The following TRDN variants were observed in gnomAD, a reference collection of about 807,000 sequenced individuals.
TRDN encodes triadin.
In TRDN, 161 loss-of-function variants were observed where a neutral mutation model predicts 149.7. That is an observed-to-expected ratio of 1.08 (90% CI 0.95 to 1.23). The LOEUF (loss-of-function observed/expected upper bound fraction) is 1.23, where lower values mean the gene tolerates loss of function less well. Ranked by LOEUF, TRDN falls within the 50% of genes most tolerant of loss-of-function variation. The pLI is 0.00. For synonymous variants in TRDN, 294 were observed against 250.5 expected (o/e 1.17, Z -1.64); for missense variants, 896 against 823.5 (o/e 1.09, Z -1.08).
At chr6:123,373,980 C>A (rs1436055687) in intron 19 of TRDN, among the ~76,000 whole-genome samples, 2 of 152,102 alleles carry the variant, frequency 1.3e-5, no homozygotes, top group African/African-American at 4.8e-5. Context: ...GACTTCAATG[C>A]CAAAATACAT....
chr6:123,403,801 G>C (rs1015816933), intron 12 of TRDN, among the ~76,000 whole-genome samples: 1 of 151,892 alleles, frequency 6.6e-6, no homozygotes, highest in Admixed American at 6.6e-5. Context: ...GAAAAGTTTT[G>C]CGAATCAAAA....
intron 7 of TRDN, among the ~76,000 whole-genome samples, chr6:123,511,989 A>ATT (rs58869649): frequency 0.43 from 60,989 of 141,204 alleles, 14,010 homozygotes; most frequent in Admixed American, 0.55. Flanking sequence ...TGCCTCTGCA[A>ATT]TTTTTTTTTT....
chr6:123,393,522 G>T, intron 13 of TRDN, 102 bp downstream of exon 13: 1 of 992,852 alleles, frequency 1.0e-6, no homozygotes, highest in Non-Finnish European at 1.5e-6. Flanking sequence ...CAATATCCCA[G>T]CAGATGGTGC....
At chr6:123,514,978 G>A (rs145738337) in intron 6 of TRDN, among the ~76,000 whole-genome samples, 9 of 151,940 alleles carry the variant, frequency 5.9e-5, no homozygotes, top group East Asian at 1.9e-4. Flanking sequence ...CCTAATGCAC[G>A]CAAGGCTTAA....
At chr6:123,443,334 C>G (rs1775057476) in intron 10 of TRDN, among the ~76,000 whole-genome samples, 1 of 150,714 alleles carries the variant, frequency 6.6e-6, no homozygotes, top group Admixed American at 6.6e-5. Flanking sequence ...TAGGAGGTGG[C>G]TTGGTTTTTA....
At chr6:123,299,148 G>A (rs1778312802) in intron 24 of TRDN, among the ~76,000 whole-genome samples, 1 of 151,866 alleles carries the variant, frequency 6.6e-6, no homozygotes, top group Admixed American at 6.6e-5. Context: ...TGGGTCTTAG[G>A]GAAAAAAATG....
At chr6:123,261,098 C>G (rs913446666) in intron 33 of TRDN, among the ~76,000 whole-genome samples, 2 of 151,586 alleles carry the variant, frequency 1.3e-5, no homozygotes, top group African/African-American at 4.8e-5. Flanking sequence ...ATATATACAA[C>G]TACTAAGTAC....
intron 1 of TRDN, among the ~76,000 whole-genome samples, chr6:123,627,925 A>G (rs868173763): frequency 2.3e-4 from 35 of 152,226 alleles, no homozygotes; most frequent in African/African-American, 8.2e-4. Context: ...ACCTCTCCAC[A>G]TCTTCACAGA....
rs80142900 is a variant in TRDN, at chr6:123,514,335, G to A, written c.550+1806C>T. On this transcript the variant is annotated intron_variant, in intron 6 of 40. Coordinates refer to ENST00000334268, the MANE Select transcript of TRDN (RefSeq NM_006073.4). ...GCACCACTGCACTTCAGTCTGGGTG[G>A]CAGAGTGAGACTCTGTCTCAAAACA... Among the ~76,000 whole-genome samples, 520 of 152,162 alleles carry A rather than the reference G, an allele frequency of 3.4e-3. 24 individuals carry two copies. In the East Asian group the frequency reaches 0.092, roughly 27 times the overall value.
chr6:123,629,818 T>C (rs551428416), intron 1 of TRDN, among the ~76,000 whole-genome samples: 36 of 152,190 alleles, frequency 2.4e-4, no homozygotes, highest in African/African-American at 7.9e-4. Context: ...TTAACTTGTA[T>C]AGAGCAGAGC....
intron 1 of TRDN, among the ~76,000 whole-genome samples, chr6:123,613,953 A>C (rs1012566049): frequency 2.6e-5 from 4 of 152,164 alleles, no homozygotes; most frequent in Non-Finnish European, 5.9e-5. Flanking sequence ...CAGGATATCC[A>C]TTGGTTTATT....
At chr6:123,410,173 T>G (rs1321998388) in intron 12 of TRDN, among the ~76,000 whole-genome samples, 1 of 152,180 alleles carries the variant, frequency 6.6e-6, no homozygotes, top group African/African-American at 2.4e-5. Flanking sequence ...ATATTTGGTG[T>G]AAAGTACATA....
chr6:123,580,687 A>G (rs1157592673), intron 1 of TRDN, among the ~76,000 whole-genome samples: 1 of 152,152 alleles, frequency 6.6e-6, no homozygotes, highest in Non-Finnish European at 1.5e-5. Context: ...GACCCTGCCT[A>G]TCACCAATCA....
chr6:123,357,683 C>A (rs186621006), intron 20 of TRDN, among the ~76,000 whole-genome samples: 1 of 152,080 alleles, frequency 6.6e-6, no homozygotes, highest in Admixed American at 6.6e-5. Flanking sequence ...ATTCATAATT[C>A]TTTTATTCAG....
Position 123,438,987 on chromosome 6 carries a change from C to CT in TRDN, c.947dup (p.Lys317GlufsTer4). 1 of 1,558,218 alleles carries CT rather than the reference C, an allele frequency of 6.4e-7. No homozygotes were observed. The highest frequency in any genetic ancestry group is 8.7e-7 in the Non-Finnish European group (1 of 1,150,344). On this transcript the variant is annotated frameshift_variant, in exon 11 of 41. Transcript: ENST00000334268. LOFTEE classifies it high-confidence loss of function. ...AAGTAACTTTCTTCTCAGCCTTCTT[C>CT]TTTTCCCCTTCTTTTTCTAGAGAAT...
intron 5 of TRDN, among the ~76,000 whole-genome samples, chr6:123,519,473 G>GT (rs762378636): frequency 0.018 from 1,343 of 73,956 alleles, 20 homozygotes; most frequent in African/African-American, 0.042. Context: ...TGACCCTGTG[G>GT]TTTTTTTTTT....
At chr6:123,587,461 G>A (rs889508043) in intron 1 of TRDN, among the ~76,000 whole-genome samples, 8 of 152,158 alleles carry the variant, frequency 5.3e-5, no homozygotes, top group East Asian at 1.9e-4. Context: ...CTGCTTACCC[G>A]ATTTAAAATT....
At chr6:123,412,187 C>G (rs1773470505) in intron 12 of TRDN, among the ~76,000 whole-genome samples, 1 of 152,146 alleles carries the variant, frequency 6.6e-6, no homozygotes, top group African/African-American at 2.4e-5. Context: ...AACACAGGAC[C>G]TGAACCTTGC....
chr6:123,392,068 C>G (rs891845012), intron 13 of TRDN, among the ~76,000 whole-genome samples: 9 of 152,086 alleles, frequency 5.9e-5, no homozygotes, highest in African/African-American at 2.2e-4. Flanking sequence ...CAGAATACCT[C>G]ACTCTTGCCT....
Sources: allele counts gnomAD v4.1 joint callset (sites outside exome capture counted in the v4.1 genomes callset), GRCh38; gene constraint gnomAD v4.1.1; transcripts MANE v1.5; gene names NCBI Gene and HGNC (gene_info 2026-07-23, HGNC 2026-07-21).